HIVEP1: variants seen among roughly 807,000 people sequenced by gnomAD.
HIVEP1 encodes the protein HIVEP zinc finger 1.
In HIVEP1, 36 loss-of-function variants were observed where a neutral mutation model predicts 180.0. The observed-to-expected ratio is 0.20, with a 90% confidence interval of 0.15 to 0.26. The LOEUF (loss-of-function observed/expected upper bound fraction) is 0.26. HIVEP1 is among the 10% of genes least tolerant of loss of function. The pLI is 1.00. For missense variants in HIVEP1, 3,143 were observed against 3,268.7 expected, an observed-to-expected ratio of 0.96 and a Z score of 0.94; for synonymous variants, 1,239 against 1,239.0, an observed-to-expected ratio of 1.00 and a Z score of 0.00.
In HIVEP1 at chr6:12,118,497, T is replaced by C. The variant is rs987081575; in HGVS notation, c.95-1393T>C. On this transcript the variant is annotated intron_variant, in intron 3 of 8. Transcript: ENST00000379388. ...TATTGCTCAAAAATACAGTAGTTGATAGATTGTGGGCACTGTCACTTAAAT... is the reference window on the plus strand; with the variant it reads ...TATTGCTCAAAAATACAGTAGTTGACAGATTGTGGGCACTGTCACTTAAAT... Among the ~76,000 whole-genome samples the C allele has an allele frequency of 6.3e-4, 96 of 152,206 alleles. 1 individual carries two copies. Among genetic ancestry groups the C allele is most frequent in the African/African-American group, 4.8e-5 (2 of 41,458 alleles).
chr6:12,024,088 G>A (rs1768424600), intron 2 of HIVEP1, among the ~76,000 whole-genome samples: 1 of 152,088 alleles, frequency 6.6e-6, no homozygotes, highest in Non-Finnish European at 1.5e-5. Flanking sequence ...GCTCATTACA[G>A]GTGATGCTGT....
In HIVEP1 at chr6:12,117,203, G is replaced by T. The variant is rs149059290; in HGVS notation, c.95-2687G>T. Among the ~76,000 whole-genome samples the T allele has an allele frequency of 8.5e-3, 1,299 of 152,242 alleles. 7 individuals carry two copies. Among genetic ancestry groups the T allele is most frequent in the Middle Eastern group, 0.045 (13 of 292 alleles). ...AGTTTTCTGAGGTGTAAACCAAATTGCCAGAAAACAAGGGAGTATGCAAAG... is the reference window on the plus strand; with the variant it reads ...AGTTTTCTGAGGTGTAAACCAAATTTCCAGAAAACAAGGGAGTATGCAAAG... On this transcript the variant is annotated intron_variant, in intron 3 of 8. Transcript: ENST00000379388.
At chr6:12,033,322 A>G (rs994310590) in intron 2 of HIVEP1, among the ~76,000 whole-genome samples, 27 of 148,776 alleles carry the variant, frequency 1.8e-4, no homozygotes, top group African/African-American at 3.0e-4. Context: ...GTAGAGGAGC[A>G]TGTGTGTGTG....
chr6:12,155,577 A>G (rs572933772), intron 7 of HIVEP1, among the ~76,000 whole-genome samples: 2 of 152,322 alleles, frequency 1.3e-5, no homozygotes, highest in African/African-American at 2.4e-5. Context: ...TGTCCCTGCA[A>G]AGGACATGAT....
At chr6:12,047,552 C>T (rs1191621868) in intron 2 of HIVEP1, among the ~76,000 whole-genome samples, 3 of 152,192 alleles carry the variant, frequency 2.0e-5, no homozygotes, top group Admixed American at 6.5e-5. Context: ...GGTCACATCG[C>T]GGGTCTCACA....
At chr6:12,084,954 T>C (rs958453253) in intron 2 of HIVEP1, among the ~76,000 whole-genome samples, 3 of 152,154 alleles carry the variant, frequency 2.0e-5, no homozygotes, top group Admixed American at 2.0e-4. Flanking sequence ...TTCCCAAATG[T>C]TGACATAATT....
At chr6:12,169,278 G>T (rs931984189), downstream of HIVEP1, among the ~76,000 whole-genome samples, 1 of 152,190 alleles carries the variant, frequency 6.6e-6, no homozygotes, top group Admixed American at 6.5e-5. Flanking sequence ...TAATCTGAAA[G>T]TCATGATGCA....
chr6:12,160,437 A>G (rs980920729), intron 7 of HIVEP1, among the ~76,000 whole-genome samples: 8 of 152,238 alleles, frequency 5.3e-5, no homozygotes, highest in Non-Finnish European at 7.3e-5. Flanking sequence ...TTAGGTGAAT[A>G]TGACGACACG....
At chr6:12,111,175 A>G (rs184445128) in intron 3 of HIVEP1, among the ~76,000 whole-genome samples, 9 of 152,360 alleles carry the variant, frequency 5.9e-5, no homozygotes, top group Admixed American at 5.9e-4. Context: ...ATAATGCAAA[A>G]GTTTGAAGTA....
the HIVEP1 span, among the ~76,000 whole-genome samples, chr6:12,171,750 G>T: frequency 6.6e-6 from 1 of 152,228 alleles, no homozygotes. Flanking sequence ...CAAGAAGCTA[G>T]TGGGAATTCA....
At chr6:12,132,109 G>A (rs1163220571) in intron 6 of HIVEP1, among the ~76,000 whole-genome samples, 1 of 152,174 alleles carries the variant, frequency 6.6e-6, no homozygotes, top group Non-Finnish European at 1.5e-5. Flanking sequence ...GAGAGGTTGG[G>A]AGGGATACTC....
At chr6:12,052,745 G>C (rs1770620860) in intron 2 of HIVEP1, among the ~76,000 whole-genome samples, 1 of 152,164 alleles carries the variant, frequency 6.6e-6, no homozygotes, top group Admixed American at 6.5e-5. Context: ...ACTGTTCCCA[G>C]TGTACCTTGT....
chr6:12,134,003 A>G (rs1332241104), intron 6 of HIVEP1, among the ~76,000 whole-genome samples: 1 of 152,008 alleles, frequency 6.6e-6, no homozygotes, highest in Non-Finnish European at 1.5e-5. Context: ...AGAGGACTAT[A>G]GTGGACCTTA....
At chr6:12,056,031 T>G (rs1335257782) in intron 2 of HIVEP1, among the ~76,000 whole-genome samples, 1 of 152,198 alleles carries the variant, frequency 6.6e-6, no homozygotes, top group Non-Finnish European at 1.5e-5. Context: ...AGAAGTCATA[T>G]ATTGGATTAA....
the HIVEP1 span, among the ~76,000 whole-genome samples, chr6:12,211,674 A>T: frequency 6.6e-6 from 1 of 152,102 alleles, no homozygotes; most frequent in African/African-American, 2.4e-5. Context: ...TGCAGGAAAG[A>T]GCAAAGAAGA....
At chr6:12,196,215 C>T in the HIVEP1 span, among the ~76,000 whole-genome samples, 1 of 152,274 alleles carries the variant, frequency 6.6e-6, no homozygotes, top group East Asian at 1.9e-4. Flanking sequence ...CAATTTTATA[C>T]CAGTTCCTAC....
the HIVEP1 span, among the ~76,000 whole-genome samples, chr6:12,207,306 G>A: frequency 9.9e-5 from 15 of 152,162 alleles, no homozygotes; most frequent in Non-Finnish European, 1.8e-4. Flanking sequence ...TTAGCTATTG[G>A]AAAGACCTTG....
At chr6:12,049,734 TAAG>T (rs1412210908) in intron 2 of HIVEP1, among the ~76,000 whole-genome samples, 1 of 152,268 alleles carries the variant, frequency 6.6e-6, no homozygotes, top group Non-Finnish European at 1.5e-5. Context: ...TTTCCACTAA[TAAG>T]CTTATACTTT....
At chr6:12,017,287 CG>C (rs1561855844) in intron 2 of HIVEP1, among the ~76,000 whole-genome samples, 1 of 152,134 alleles carries the variant, frequency 6.6e-6, no homozygotes, top group Non-Finnish European at 1.5e-5. Context: ...AGGCCCTCGC[CG>C]TGAGTGTTAT....
Sources: allele counts gnomAD v4.1 joint callset (sites outside exome capture counted in the v4.1 genomes callset), GRCh38; gene constraint gnomAD v4.1.1; transcripts MANE v1.5; gene names NCBI Gene and HGNC (gene_info 2026-07-23, HGNC 2026-07-21).